Variants in AKR1C1 observed in about 807,000 individuals in gnomAD.
AKR1C1 encodes the protein aldo-keto reductase family 1 member C1, also known as 20 alpha-hydroxysteroid dehydrogenase.
In AKR1C1, 32 loss-of-function variants were observed where a neutral mutation model predicts 40.6. That is an observed-to-expected ratio of 0.79 (90% confidence interval 0.60 to 1.06). AKR1C1 has a LOEUF of 1.06. Among genes scored for constraint, AKR1C1 ranks in the 50% least tolerant of loss-of-function variants. AKR1C1 has a pLI of 0.00. For synonymous variants in AKR1C1, 105 were observed against 134.2 expected (o/e 0.78, Z 1.50); for missense variants, 320 against 363.5 (o/e 0.88, Z 0.97).
Position 4,981,390 on chromosome 10 carries a change from A to G in AKR1C1, c.*3648A>G, listed in dbSNP as rs1187189484. The G allele has an allele frequency of 6.6e-6, 1 of 152,174 alleles. No individual in the cohort carries two copies. The highest frequency in any genetic ancestry group is 1.5e-5 in the Non-Finnish European group (1 of 68,032). 9.4% of individuals were successfully genotyped at this position (152,174 alleles called of 1,614,324 possible). On this transcript the variant is annotated 3_prime_UTR_variant, in exon 9 of 9. Coordinates refer to ENST00000380872, the MANE Select transcript of AKR1C1 (RefSeq NM_001353.6). The stretch of plus-strand genomic sequence containing the variant: ...ATCAGAGATATCACAAAATGACAAA[A>G]CAAGTACAGGGGCAGCAAAAGGTAA...
chr10:4,970,575 G>A (rs1836407455), intron 5 of AKR1C1, among the ~76,000 whole-genome samples: 1 of 151,984 alleles, frequency 6.6e-6, no homozygotes, highest in Non-Finnish European at 1.5e-5. Context: ...CTCCAACAAT[G>A]ATAGACTGGA....
chr10:4,974,624 A>C (rs1204985909), intron 7 of AKR1C1, among the ~76,000 whole-genome samples: 1 of 152,106 alleles, frequency 6.6e-6, no homozygotes, highest in Non-Finnish European at 1.5e-5. Flanking sequence ...CCAAATATGC[A>C]TATCTAATTT....
chr10:4,969,967 C>G (rs1285738955), intron 5 of AKR1C1: 3 of 439,654 alleles, frequency 6.8e-6, no homozygotes, highest in Non-Finnish European at 1.2e-5. Context: ...CTAGTAGTTC[C>G]CCAATTTTTT....
At chr10:4,966,712 T>G (rs1246381417) in intron 2 of AKR1C1, among the ~76,000 whole-genome samples, 3 of 152,230 alleles carry the variant, frequency 2.0e-5, no homozygotes, top group Admixed American at 6.5e-5. Flanking sequence ...GTAATTTCAC[T>G]CTTTCATTCA....
At chr10:4,971,505 T>TGTTA (rs1554769828) in intron 5 of AKR1C1, among the ~76,000 whole-genome samples, 1 of 108,926 alleles carries the variant, frequency 9.2e-6, no homozygotes, top group Non-Finnish European at 1.8e-5. Context: ...CATATATATA[T>TGTTA]TATATATATA....
intron 5 of AKR1C1, among the ~76,000 whole-genome samples, chr10:4,971,437 T>C (rs1836424734): frequency 6.7e-6 from 1 of 150,220 alleles, no homozygotes; most frequent in Non-Finnish European, 1.5e-5. Flanking sequence ...ACTCACGGAT[T>C]CTTGTGTTAT....
intron 5 of AKR1C1, chr10:4,969,756 T>C (rs1829645342): frequency 6.2e-7 from 1 of 1,608,452 alleles, no homozygotes; most frequent in Admixed American, 1.7e-5. Flanking sequence ...CCCCAAATGT[T>C]ACACACATTT....
intron 3 of AKR1C1, chr10:4,967,487 C>A (rs1836351208): frequency 5.1e-6 from 5 of 987,102 alleles, no homozygotes; most frequent in Non-Finnish European, 6.0e-6. Context: ...AAACTACAGA[C>A]CTTCATGGGA....
rs559050038 is a variant in AKR1C1 at position 4,971,821 on chromosome 10, G to A, written c.571-380G>A. Among the ~76,000 whole-genome samples the A allele has an allele frequency of 4.0e-5, 6 of 151,892 alleles. No individual in the cohort carries two copies. The East Asian group carries it at 1.2e-3, about 29-fold the overall frequency. On this transcript the variant is annotated intron_variant, in intron 5 of 8. Coordinates refer to ENST00000380872, the MANE Select transcript of AKR1C1 (RefSeq NM_001353.6). Reference sequence around the variant, plus strand: ...TGTATGCATTTTTGGTATTAATTAGGAAACTAGTTCTTTTGTCTTTCAGAC... The same window carrying A: ...TGTATGCATTTTTGGTATTAATTAGAAAACTAGTTCTTTTGTCTTTCAGAC...
chr10:4,966,820 G>A, intron 2 of AKR1C1, 107 bp from the exon 3 acceptor site: 1 of 929,520 alleles, frequency 1.1e-6, no homozygotes, highest in Non-Finnish European at 1.7e-6. Context: ...TTTTGCCTGT[G>A]GTCATTAGTT....
intron 1 of AKR1C1, among the ~76,000 whole-genome samples, chr10:4,965,103 C>T (rs1374055284): frequency 6.6e-6 from 1 of 152,196 alleles, no homozygotes; most frequent in Non-Finnish European, 1.5e-5. Flanking sequence ...TAGAGAGCAT[C>T]TCTTGTAGAC....
chr10:4,969,305 G>A (rs1216503219), intron 5 of AKR1C1, among the ~76,000 whole-genome samples: 1 of 152,210 alleles, frequency 6.6e-6, no homozygotes, highest in Non-Finnish European at 1.5e-5. Context: ...TAGATATGAA[G>A]CCGTGAAGAG....
At chr10:4,974,280 G>T (rs1259665633) in intron 7 of AKR1C1, among the ~76,000 whole-genome samples, 2 of 151,532 alleles carry the variant, frequency 1.3e-5, no homozygotes, top group Non-Finnish European at 2.9e-5. Flanking sequence ...TAATATATAT[G>T]TTAGATTAAC....
chr10:4,965,058 A>G (rs1240772340), intron 1 of AKR1C1, among the ~76,000 whole-genome samples: 1 of 152,202 alleles, frequency 6.6e-6, no homozygotes, highest in African/African-American at 2.4e-5. Flanking sequence ...AGTCAATGTA[A>G]CCAGTCCCAG....
intron 4 of AKR1C1, among the ~76,000 whole-genome samples, chr10:4,968,606 C>T (rs1308611828): frequency 6.6e-6 from 1 of 152,158 alleles, no homozygotes; most frequent in Non-Finnish European, 1.5e-5. Context: ...GGATTTATTT[C>T]CTTGCCTTTT....
At chr10:4,973,780 GTATGAA>G (rs1836477340) in intron 7 of AKR1C1, among the ~76,000 whole-genome samples, 1 of 151,970 alleles carries the variant, frequency 6.6e-6, no homozygotes, top group Non-Finnish European at 1.5e-5. Context: ...ATAGTTATAT[GTATGAA>G]TATGAATATA....
At position 4,982,389 on chromosome 10, in the gene AKR1C1, A is replaced by G. The variant is rs1216115731; in HGVS notation, c.*4647A>G. The G allele has an allele frequency of 1.6e-5, 2 of 126,304 alleles. No homozygotes were observed. The highest frequency in any genetic ancestry group is 5.9e-5 in the African/African-American group (2 of 33,810). 7.8% of individuals were successfully genotyped at this position (126,304 alleles called of 1,614,324 possible). On this transcript the variant is annotated 3_prime_UTR_variant, in exon 9 of 9. Transcript: ENST00000380872. ...CCCCTCCCTGGACAGCCCAGCTACAATTGTCTGAGAACTCACTGCAAGCTG... is the reference window on the plus strand; with the variant it reads ...CCCCTCCCTGGACAGCCCAGCTACAGTTGTCTGAGAACTCACTGCAAGCTG...
chr10:4,965,603 A>G (rs115592435), intron 1 of AKR1C1: 1 of 217,026 alleles, frequency 4.6e-6, no homozygotes, highest in African/African-American at 2.3e-5. Flanking sequence ...AATAATTAAG[A>G]TTATATCTAT....
intron 1 of AKR1C1, 140 bp from the exon 2 acceptor site, chr10:4,965,774 C>A: frequency 1.0e-6 from 1 of 973,424 alleles, no homozygotes; most frequent in Non-Finnish European, 1.5e-6. Context: ...CCCAGGGAGA[C>A]TGGGATGGGC....
Sources: allele counts gnomAD v4.1 joint callset (sites outside exome capture counted in the v4.1 genomes callset), GRCh38; gene constraint gnomAD v4.1.1; transcripts MANE v1.5; gene names NCBI Gene and HGNC (gene_info 2026-07-23, HGNC 2026-07-21).